Variants in SAMD3 observed in about 807,000 individuals in gnomAD.
The protein encoded by SAMD3 is sterile alpha motif domain-containing protein 3.
SAMD3 carries 63 observed loss-of-function variants against 58.5 expected under a neutral mutation model. The observed-to-expected ratio is 1.08, with a 90% CI of 0.88 to 1.33. SAMD3 has a LOEUF of 1.33. Among genes scored for constraint, SAMD3 ranks in the 40% most tolerant of loss-of-function variants. SAMD3 has a pLI of 0.00. For synonymous variants in SAMD3, 220 were observed against 210.3 expected, an observed-to-expected ratio of 1.05 and a Z score of -0.40; for missense variants, 604 against 608.4, an observed-to-expected ratio of 0.99 and a Z score of 0.08.
intron 8 of SAMD3, among the ~76,000 whole-genome samples, chr6:130,163,836 A>C (rs1299536754): frequency 6.6e-6 from 1 of 152,170 alleles, no homozygotes; most frequent in Non-Finnish European, 1.5e-5. Flanking sequence ...TTTTTGTGCA[A>C]CTTTAATTCT....
chr6:130,282,134 ACG>A, intron 2 of SAMD3, among the ~76,000 whole-genome samples: 1 of 151,738 alleles, frequency 6.6e-6, no homozygotes, highest in Admixed American at 6.6e-5. Context: ...CCACACACAC[ACG>A]CACACACACA....
chr6:130,300,993 C>A (rs564394798), intron 2 of SAMD3, among the ~76,000 whole-genome samples: 3 of 152,080 alleles, frequency 2.0e-5, no homozygotes, highest in Non-Finnish European at 4.4e-5. Context: ...CAACCAGCCC[C>A]GGTGTCTGAT....
At chr6:130,250,475 A>G (rs924280301) in intron 2 of SAMD3, among the ~76,000 whole-genome samples, 1 of 152,128 alleles carries the variant, frequency 6.6e-6, no homozygotes. Context: ...AGTTTACAGT[A>G]TATTGATTTT....
rs774036634 is a variant in SAMD3 at position 130,294,909 on chromosome 6, A to ATTTTT, written c.-188+18064_-188+18068dup. On this transcript the variant is annotated intron_variant, in intron 2 of 13. Transcript: ENST00000368134. ...TCTAATTTTTCCATACATTTCTCTG[A>ATTTTT]TTTTTTTTTTTTTTTTTTTTTTTTT... Among the ~76,000 whole-genome samples, 11 of 56,166 alleles carry ATTTTT rather than the reference A, an allele frequency of 2.0e-4. 1 individual carries two copies. The highest frequency in any genetic ancestry group is 4.1e-4 in the East Asian group (1 of 2,464). 36.8% of individuals were successfully genotyped at this position (56,166 alleles called of 152,430 possible).
At chr6:130,289,125 T>A (rs1227800931) in intron 2 of SAMD3, among the ~76,000 whole-genome samples, 1 of 152,192 alleles carries the variant, frequency 6.6e-6, no homozygotes, top group Admixed American at 6.5e-5. Context: ...ACATGGTGAA[T>A]GAGCTTAAGG....
At chr6:130,330,437 C>T (rs1343726997) in intron 1 of SAMD3, among the ~76,000 whole-genome samples, 3 of 152,224 alleles carry the variant, frequency 2.0e-5, no homozygotes, top group Middle Eastern at 3.4e-3. Context: ...ATATCAGGAC[C>T]TCAAAGCGTA....
intron 1 of SAMD3, among the ~76,000 whole-genome samples, chr6:130,334,671 A>T (rs1399941986): frequency 6.6e-6 from 1 of 152,226 alleles, no homozygotes; most frequent in African/African-American, 2.4e-5. Context: ...TAAAGAGGTT[A>T]CATGCATTTC....
chr6:130,173,131 T>C (rs1409900051), intron 8 of SAMD3, among the ~76,000 whole-genome samples: 1 of 152,226 alleles, frequency 6.6e-6, no homozygotes, highest in African/African-American at 2.4e-5. Flanking sequence ...TTCCTTGCTT[T>C]GGGTTAGAAC....
chr6:130,174,201 G>A (rs1791512873), intron 8 of SAMD3, among the ~76,000 whole-genome samples: 1 of 152,154 alleles, frequency 6.6e-6, no homozygotes, highest in African/African-American at 2.4e-5. Flanking sequence ...TGTCTCACTG[G>A]GGTTCAGGCG....
chr6:130,144,949 A>G (rs17706276), intron 11 of SAMD3, 145 bp from the exon 12 acceptor site: 33,691 of 861,954 alleles, frequency 0.039, 867 homozygotes, highest in Non-Finnish European at 0.048. Flanking sequence ...AAAATAGACC[A>G]CCAACTTTGC....
At chr6:130,219,636 C>A (rs1796138221) in intron 1 of SAMD3, among the ~76,000 whole-genome samples, 1 of 152,196 alleles carries the variant, frequency 6.6e-6, no homozygotes, top group African/African-American at 2.4e-5. Context: ...TCTCCAATCT[C>A]ATCCAGGTCA....
chr6:130,239,902 C>T (rs930498968), intron 2 of SAMD3, among the ~76,000 whole-genome samples: 15 of 152,282 alleles, frequency 9.9e-5, no homozygotes, highest in Non-Finnish European at 1.8e-4. Flanking sequence ...ACCAGGGCTC[C>T]CTATTCTTAA....
At chr6:130,328,440 T>C (rs1003983507) in intron 1 of SAMD3, among the ~76,000 whole-genome samples, 1 of 152,224 alleles carries the variant, frequency 6.6e-6, no homozygotes, top group African/African-American at 2.4e-5. Context: ...CTACCACTTA[T>C]GTGCCATCAA....
At chr6:130,334,505 C>T (rs1226248587) in intron 1 of SAMD3, among the ~76,000 whole-genome samples, 3 of 152,180 alleles carry the variant, frequency 2.0e-5, no homozygotes, top group African/African-American at 7.2e-5. Flanking sequence ...GAAACAGCAA[C>T]GGCTTTAAAA....
chr6:130,223,688 G>T (rs781545627), upstream of SAMD3, among the ~76,000 whole-genome samples: 2 of 152,160 alleles, frequency 1.3e-5, no homozygotes, highest in African/African-American at 2.4e-5. Context: ...CAGGGCGTGC[G>T]ATGGGTGTGA....
chr6:130,194,601 C>A (rs1582876333), intron 5 of SAMD3, among the ~76,000 whole-genome samples: 1 of 152,208 alleles, frequency 6.6e-6, no homozygotes, highest in Non-Finnish European at 1.5e-5. Flanking sequence ...ACCTCCTCTC[C>A]CAGGAGCTTG....
intron 1 of SAMD3, among the ~76,000 whole-genome samples, chr6:130,217,901 C>A (rs892709295): frequency 6.6e-6 from 1 of 152,268 alleles, no homozygotes; most frequent in East Asian, 1.9e-4. Flanking sequence ...TATCTCCTAC[C>A]GTGGCTGAAC....
At chr6:130,209,440 G>C (rs1795348995) in intron 5 of SAMD3, 55 bp downstream of exon 5, 1 of 929,030 alleles carries the variant, frequency 1.1e-6, no homozygotes, top group Non-Finnish European at 1.7e-6. Context: ...TTATCAAAAA[G>C]AAATAGAGAA....
intron 2 of SAMD3, among the ~76,000 whole-genome samples, chr6:130,280,260 A>G (rs1324327703): frequency 6.6e-6 from 1 of 152,198 alleles, no homozygotes; most frequent in African/African-American, 2.4e-5. Flanking sequence ...AAACTGCACA[A>G]GCGTTTCACC....
Sources: gnomAD v4.1 joint callset for allele counts (sites outside exome capture counted in the v4.1 genomes callset) on GRCh38, gnomAD v4.1.1 for gene constraint, MANE v1.5 for transcripts, NCBI Gene and HGNC (gene_info 2026-07-23, HGNC 2026-07-21) for gene names.